Variants in AUTS2 observed in about 807,000 individuals in gnomAD.
AUTS2 encodes the protein activator of transcription and developmental regulator AUTS2.
In AUTS2, 17 loss-of-function variants were observed where a neutral mutation model predicts 112.4. The observed-to-expected ratio is 0.15, with a 90% CI of 0.10 to 0.23. The LOEUF is 0.23. Among genes scored for constraint, AUTS2 ranks in the 10% least tolerant of loss-of-function variants. The pLI is 1.00. For synonymous variants in AUTS2, 751 were observed against 702.7 expected, an observed-to-expected ratio of 1.07 and a Z score of -1.09; for missense variants, 1,510 against 1,701.6, an observed-to-expected ratio of 0.89 and a Z score of 1.98.
intron 5 of AUTS2, among the ~76,000 whole-genome samples, chr7:70,511,785 A>G (rs1799207224): frequency 6.6e-6 from 1 of 151,822 alleles, no homozygotes; most frequent in South Asian, 2.1e-4. Context: ...CACGTTGGCC[A>G]GGCTGGTCTT....
chr7:70,367,457 A>C (rs1444249418), intron 4 of AUTS2, among the ~76,000 whole-genome samples: 1 of 151,470 alleles, frequency 6.6e-6, no homozygotes, highest in Non-Finnish European at 1.5e-5. Flanking sequence ...TTGGGAGGCT[A>C]AGGCAGGAGA....
intron 6 of AUTS2, among the ~76,000 whole-genome samples, chr7:70,724,998 G>T (rs1355824827): frequency 6.6e-6 from 1 of 152,218 alleles, no homozygotes; most frequent in South Asian, 2.1e-4. Flanking sequence ...GCACATGCTT[G>T]TGCAGGGGTG....
At chr7:70,182,673 A>AGT (rs1200658095) in intron 4 of AUTS2, among the ~76,000 whole-genome samples, 1 of 152,094 alleles carries the variant, frequency 6.6e-6, no homozygotes, top group African/African-American at 2.4e-5. Flanking sequence ...ACTCTCAATA[A>AGT]GTGCTTGTAG....
intron 5 of AUTS2, among the ~76,000 whole-genome samples, chr7:70,463,013 T>G (rs913522124): frequency 3.3e-5 from 5 of 152,118 alleles, no homozygotes; most frequent in African/African-American, 9.7e-5. Flanking sequence ...CATTTGGTTC[T>G]CCAACTACCT....
chr7:70,497,315 A>G lies in AUTS2; in HGVS notation c.690+61534A>G, dbSNP rs577726134. Among the ~76,000 whole-genome samples, 466 of 151,760 alleles carry G rather than the reference A, an allele frequency of 3.1e-3. 3 individuals carry two copies. Among genetic ancestry groups the G allele is most frequent in the Non-Finnish European group, 3.4e-3 (230 of 67,912 alleles). On this transcript the variant is annotated intron_variant, in intron 5 of 18. Transcript: ENST00000342771. ...CACGTCACATCAGCGTCGATCACAC[A>G]CCCCACTCACACACATCACGTACAC...
chr7:69,614,154 C>T (rs1267491302), intron 1 of AUTS2, among the ~76,000 whole-genome samples: 2 of 152,064 alleles, frequency 1.3e-5, no homozygotes, highest in Non-Finnish European at 2.9e-5. Flanking sequence ...TGGGACTTCA[C>T]GATTCAGAAC....
intron 1 of AUTS2, among the ~76,000 whole-genome samples, chr7:69,813,847 CTT>C (rs1790647322): frequency 1.3e-5 from 2 of 152,166 alleles, no homozygotes; most frequent in African/African-American, 4.8e-5. Flanking sequence ...AATCATCAGA[CTT>C]AGACTCTGGG....
At chr7:70,403,404 G>A (rs1028785055) in intron 4 of AUTS2, among the ~76,000 whole-genome samples, 14 of 152,336 alleles carry the variant, frequency 9.2e-5, no homozygotes, top group African/African-American at 3.4e-4. Flanking sequence ...TCTCAGTACA[G>A]GTTGCTAATT....
At chr7:69,812,781 G>C (rs930459563) in intron 1 of AUTS2, among the ~76,000 whole-genome samples, 3 of 151,990 alleles carry the variant, frequency 2.0e-5, no homozygotes, top group African/African-American at 7.3e-5. Flanking sequence ...AACAAGCACT[G>C]AGGGCTGAAT....
intron 7 of AUTS2, among the ~76,000 whole-genome samples, chr7:70,764,292 G>C (rs1789765142): frequency 6.6e-6 from 1 of 152,182 alleles, no homozygotes; most frequent in Non-Finnish European, 1.5e-5. Flanking sequence ...AGGCACCTGG[G>C]TTTCACCTCT....
chr7:70,621,292 A>ATACAGATT (rs1804660422), intron 5 of AUTS2, among the ~76,000 whole-genome samples: 1 of 152,088 alleles, frequency 6.6e-6, no homozygotes. Flanking sequence ...TACAGACTCA[A>ATACAGATT]ACTGTATTCA....
At chr7:70,552,559 A>T (rs1400291891) in intron 5 of AUTS2, among the ~76,000 whole-genome samples, 1 of 152,224 alleles carries the variant, frequency 6.6e-6, no homozygotes, top group East Asian at 1.9e-4. Context: ...AACTCAATTT[A>T]CTTGGCAGGG....
chr7:70,341,405 G>A (rs1050986309), intron 4 of AUTS2, among the ~76,000 whole-genome samples: 3 of 152,214 alleles, frequency 2.0e-5, no homozygotes, highest in Admixed American at 6.5e-5. Context: ...TTCTGAAACT[G>A]TGAAAAATCA....
intron 2 of AUTS2, among the ~76,000 whole-genome samples, chr7:69,968,620 T>A (rs986901785): frequency 7.2e-5 from 11 of 152,126 alleles, no homozygotes; most frequent in Admixed American, 1.3e-4. Flanking sequence ...AACGTGTGCC[T>A]CCCTTTTGAA....
At chr7:70,681,797 G>A (rs1585497661) in intron 5 of AUTS2, among the ~76,000 whole-genome samples, 1 of 152,224 alleles carries the variant, frequency 6.6e-6, no homozygotes, top group East Asian at 1.9e-4. Context: ...AACTGGGAAC[G>A]GGGGCTCCAC....
At chr7:69,852,684 C>G (rs1190905025) in intron 1 of AUTS2, among the ~76,000 whole-genome samples, 1 of 152,148 alleles carries the variant, frequency 6.6e-6, no homozygotes, top group Non-Finnish European at 1.5e-5. Flanking sequence ...AACTCCTGAC[C>G]TCAGATGATC....
chr7:70,045,976 A>G (rs1363768879), intron 2 of AUTS2, among the ~76,000 whole-genome samples: 1 of 152,048 alleles, frequency 6.6e-6, no homozygotes, highest in African/African-American at 2.4e-5. Context: ...CTGTTGTCCA[A>G]TGAAGGGAAT....
At chr7:69,957,644 T>G (rs1001572502) in intron 2 of AUTS2, among the ~76,000 whole-genome samples, 1 of 152,154 alleles carries the variant, frequency 6.6e-6, no homozygotes, top group Admixed American at 6.5e-5. Context: ...TGGAGACCAT[T>G]TCTATTCTGG....
chr7:70,681,093 C>T (rs577714779), intron 5 of AUTS2, among the ~76,000 whole-genome samples: 2 of 152,350 alleles, frequency 1.3e-5, no homozygotes, highest in South Asian at 4.1e-4. Context: ...GATCCACACT[C>T]GCTTCCCTGT....
Sources: gnomAD v4.1 joint callset for allele counts (sites outside exome capture counted in the v4.1 genomes callset) on GRCh38, gnomAD v4.1.1 for gene constraint, MANE v1.5 for transcripts, NCBI Gene and HGNC (gene_info 2026-07-23, HGNC 2026-07-21) for gene names.